The following HPS1 variants were observed in gnomAD, a reference collection of about 807,000 sequenced individuals.
The protein encoded by HPS1 is HPS1 biogenesis of lysosomal organelles complex 3 subunit 1.
A neutral mutation model predicts 90.6 loss-of-function variants in HPS1; 59 were observed. The ratio of observed to expected loss-of-function variants is 0.65; its 90% CI spans 0.53 to 0.81. The LOEUF (loss-of-function observed/expected upper bound fraction) is 0.81. HPS1 is among the 30% of genes least tolerant of loss of function. The pLI is 0.00. For synonymous variants in HPS1, 388 were observed against 384.4 expected (o/e 1.01, Z -0.11); for missense variants, 849 against 896.7 (o/e 0.95, Z 0.68).
At position 98,425,709 on chromosome 10, in the gene HPS1, C is replaced by T. The variant is rs775117501; in HGVS notation, c.1167G>A (p.Ala389=). 95 of 1,609,258 alleles carry T rather than the reference C, an allele frequency of 5.9e-5. No individual in the cohort carries two copies. In the Middle Eastern group the frequency reaches 8.2e-4, roughly 14 times the overall value. ...NLVLLTRSPS[A]PLALVLSQLM... ...GCTGGGACAGAACCAGGGCCAGGGG[C>T]GCGCTGGGGCTCTGAGGGTAAGGGC... Residue 389 remains alanine, a synonymous_variant, in exon 13 of 20, where the codon GCG becomes GCA. Transcript: ENST00000361490.
rs1439273634 is a variant in HPS1 at position 98,445,920 on chromosome 10, C to G, written c.-105-516G>C. ...CCTGCGGAGAAACAGAGCAACATCC[C>G]CTACTCTACCTCCCTACAGGGTTAG... is the stretch of plus-strand genomic sequence containing the variant. On this transcript the variant is annotated intron_variant, in intron 1 of 19. Coordinates refer to ENST00000361490, the MANE Select transcript of HPS1 (RefSeq NM_000195.5). This position sits in a 1 kb window ranked among gnomAD's most constrained non-coding sequence, Gnocchi z 4.5. Among the ~76,000 whole-genome samples the G allele has an allele frequency of 2.6e-5, 4 of 152,200 alleles. No individual in the cohort carries two copies. The highest frequency in any genetic ancestry group is 4.4e-5 in the Non-Finnish European group (3 of 68,048).
chr10:98,436,696 G>A (rs1027649304), intron 3 of HPS1, among the ~76,000 whole-genome samples: 4 of 152,178 alleles, frequency 2.6e-5, no homozygotes, highest in Admixed American at 6.5e-5. Context: ...CAAATTCTCC[G>A]TAGTGGAATA....
At chr10:98,444,249 C>G (rs1302200297) in intron 2 of HPS1, among the ~76,000 whole-genome samples, 1 of 152,038 alleles carries the variant, frequency 6.6e-6, no homozygotes, top group African/African-American at 2.4e-5. Flanking sequence ...TCCCAAATCT[C>G]CTTCCCCACC....
At chr10:98,421,965 AAC>A (rs1270311453) in intron 17 of HPS1, among the ~76,000 whole-genome samples, 1 of 118,684 alleles carries the variant, frequency 8.4e-6, no homozygotes, top group Admixed American at 8.8e-5. Flanking sequence ...GAAAGAAAAG[AAC>A]ACACACACAC....
At position 98,429,518 on chromosome 10, in the gene HPS1, C is replaced by T. The variant is rs191172528; in HGVS notation, c.937+55G>A. 607 of 1,613,526 alleles carry T rather than the reference C, an allele frequency of 3.8e-4. 6 individuals carry two copies. The East Asian group carries it at 7.9e-3, about 21-fold the overall frequency. ...TGGAGCCTAAGACAGATGTCCTGGG[C>T]TGCCTGTCGCTCGCAGCTAGCTATT... is the stretch of plus-strand genomic sequence containing the variant. On this transcript the variant is annotated intron_variant, in intron 10 of 19. Coordinates refer to ENST00000361490, the MANE Select transcript of HPS1 (RefSeq NM_000195.5).
intron 16 of HPS1, among the ~76,000 whole-genome samples, chr10:98,423,279 A>ACCCCCCCCCCCCCGG (rs10636671): frequency 7.6e-6 from 1 of 132,070 alleles, no homozygotes; most frequent in African/African-American, 3.0e-5. Context: ...GACCACAGGA[A>ACCCCCCCCCCCCCGG]CCCCCCCCCC....
chr10:98,435,582 C>G lies in HPS1; in HGVS notation c.255+53G>C. On this transcript the variant is annotated intron_variant, in intron 4 of 19. Transcript: ENST00000361490. The surrounding 1 kb of genome is among the most constrained non-coding windows in gnomAD (Gnocchi z 4.3). ...GTTCCAAATAAGAGAGGCCTGTGGA[C>G]TCCCCATCAAGCTGAGGGAAGAGGA... 6.2e-7 allele frequency: 1 copy of G among 1,609,358 alleles called. No individual in the cohort carries two copies. Among genetic ancestry groups the G allele is most frequent in the South Asian group, 1.1e-5 (1 of 90,910 alleles).
At position 98,432,177 on chromosome 10, in the gene HPS1, AGGGCCT is replaced by A. The variant is rs138399297; in HGVS notation, c.508-892_508-887del. Among the ~76,000 whole-genome samples, 28 of 152,362 alleles carry A rather than the reference AGGGCCT, an allele frequency of 1.8e-4. 1 individual carries two copies. In the East Asian group the frequency reaches 5.4e-3, roughly 29 times the overall value. ...TGAAATAGGCAGCGATAGATCACACAGGGCCTGGTAGGCTTGGGAAGAGTTTGGATT... is the reference window on the plus strand; with the variant it reads ...TGAAATAGGCAGCGATAGATCACACAGGTAGGCTTGGGAAGAGTTTGGATT... On this transcript the variant is annotated intron_variant, in intron 6 of 19. Coordinates refer to ENST00000361490, the MANE Select transcript of HPS1 (RefSeq NM_000195.5).
rs1939343015 is a variant in HPS1 at position 98,445,525 on chromosome 10, G to A, written c.-105-121C>T. 6.6e-6 allele frequency: 1 copy of A among 152,468 alleles called. No homozygotes were observed. The highest frequency in any genetic ancestry group is 2.1e-4 in the South Asian group (1 of 4,844). 9.4% of individuals were successfully genotyped at this position (152,468 alleles called of 1,614,324 possible). ...GTGGTCCCTGGTCTCTCCAGGCCCT[G>A]AGGCAGTCTGCTAAGAACATATCTG... On this transcript the variant is annotated intron_variant, in intron 1 of 19. Transcript: ENST00000361490. The surrounding 1 kb of genome is among the most constrained non-coding windows in gnomAD (Gnocchi z 4.5).
intron 5 of HPS1, among the ~76,000 whole-genome samples, chr10:98,434,740 CT>C (rs1847054114): frequency 6.6e-6 from 1 of 152,046 alleles, no homozygotes; most frequent in Non-Finnish European, 1.5e-5. Flanking sequence ...AACTACAAGC[CT>C]TTTCTGGGGT....
chr10:98,425,526 G>T lies in HPS1; in HGVS notation c.1335+15C>A. 6.2e-7 allele frequency: 1 copy of T among 1,604,682 alleles called. No individual in the cohort carries two copies. Among genetic ancestry groups the T allele is most frequent in the South Asian group, 1.1e-5 (1 of 89,048 alleles). ...CCTCTTCCCCAGGTGGGGAGGACTG[G>T]AACTTGGGTCTCACCTGAATCTCCT... On this transcript the variant is annotated intron_variant, in intron 13 of 19. Transcript: ENST00000361490.
chr10:98,420,376 A>G, intron 17 of HPS1: 2 of 531,052 alleles, frequency 3.8e-6, no homozygotes, highest in Non-Finnish European at 6.8e-6. Context: ...GGCAAAATAT[A>G]TGTAAAAAAG....
At chr10:98,427,951 G>A (rs1378805378) in intron 10 of HPS1, among the ~76,000 whole-genome samples, 1 of 152,214 alleles carries the variant, frequency 6.6e-6, no homozygotes, top group Admixed American at 6.5e-5. Context: ...TAAGTTGTGA[G>A]TTCTCTGCAC....
At chr10:98,423,282 C>A (rs111817645) in intron 16 of HPS1, among the ~76,000 whole-genome samples, 14 of 101,562 alleles carry the variant, frequency 1.4e-4, no homozygotes, top group East Asian at 4.0e-4. Context: ...CACAGGAACC[C>A]CCCCCCCGGT....
At chr10:98,442,008 C>T (rs1365059330) in intron 3 of HPS1, among the ~76,000 whole-genome samples, 2 of 152,212 alleles carry the variant, frequency 1.3e-5, no homozygotes, top group East Asian at 3.8e-4. Context: ...TCCATGTATA[C>T]ATAGACTTGT....
chr10:98,426,208 G>C, intron 11 of HPS1: 1 of 551,898 alleles, frequency 1.8e-6, no homozygotes, highest in South Asian at 2.1e-5. Context: ...TGGCCCGGGT[G>C]CCAAGCAGGG....
intron 13 of HPS1, 139 bp downstream of exon 13, chr10:98,425,402 C>T (rs1845464599): frequency 2.5e-6 from 2 of 797,234 alleles, no homozygotes; most frequent in Non-Finnish European, 4.2e-6. Context: ...ATAGGGAAAA[C>T]AAGGATCGTA....
chr10:98,414,879 A>T (rs1458631436), downstream of HPS1: 4 of 1,365,150 alleles, frequency 2.9e-6, no homozygotes, highest in African/African-American at 1.5e-5. Flanking sequence ...GCTAGCGTAT[A>T]AACTTCTGGC....
chr10:98,425,415 C>A (rs1392763067), intron 13 of HPS1, 126 bp downstream of exon 13: 13 of 884,682 alleles, frequency 1.5e-5, no homozygotes, highest in Non-Finnish European at 2.4e-5. Context: ...GGATCGTAGG[C>A]CCGGGGGAGG....
Sources: gnomAD v4.1 joint callset for allele counts (sites outside exome capture counted in the v4.1 genomes callset) on GRCh38, gnomAD v4.1.1 for gene constraint, Gnocchi (gnomAD v3.1) non-coding constraint, MANE v1.5 for transcripts, NCBI Gene and HGNC (gene_info 2026-07-23, HGNC 2026-07-21) for gene names.